The following KCNAB3 variants were observed in gnomAD, a reference collection of about 807,000 sequenced individuals.
KCNAB3 encodes potassium voltage-gated channel subfamily A regulatory beta subunit 3.
Under a neutral mutation model 67.7 loss-of-function variants are expected in KCNAB3, and 62 were observed. That is an observed-to-expected ratio of 0.92 (90% CI 0.75 to 1.13). The LOEUF (loss-of-function observed/expected upper bound fraction) is 1.13, where lower values mean the gene tolerates loss of function less well. Ranked by LOEUF, KCNAB3 falls within the 50% of genes most tolerant of loss-of-function variation. The pLI is 0.00. For missense variants in KCNAB3, 514 were observed against 522.9 expected (o/e 0.98, Z 0.17); for synonymous variants, 212 against 205.4 (o/e 1.03, Z -0.27).
chr17:7,922,734 T>G lies in KCNAB3; in HGVS notation c.*368A>C. 1 of 307,074 alleles carries G rather than the reference T, an allele frequency of 3.3e-6. No individual in the cohort carries two copies. The highest frequency in any genetic ancestry group is 6.3e-6 in the Non-Finnish European group (1 of 157,808). The allele number at this position is 307,074 out of a possible 1,614,324, so 19.0% of individuals were successfully genotyped here. On this transcript the variant is annotated 3_prime_UTR_variant, in exon 14 of 14. Coordinates refer to ENST00000303790, the MANE Select transcript of KCNAB3 (RefSeq NM_004732.4). ...AGGGCCCCTTTTGAGGTACACTGTA[T>G]GTTTCTTGTATGTGCTGGGTTTTTG...
intron 1 of KCNAB3, among the ~76,000 whole-genome samples, chr17:7,928,841 C>A (rs1972325948): frequency 6.6e-6 from 1 of 152,182 alleles, no homozygotes; most frequent in Admixed American, 6.5e-5. Context: ...TCCCTCCACT[C>A]CCCAGGACAC....
At chr17:7,924,638 C>G (rs1719540793) in intron 8 of KCNAB3, 138 bp from the exon 9 acceptor site, 2 of 1,405,070 alleles carry the variant, frequency 1.4e-6, no homozygotes, top group African/African-American at 1.4e-5. Context: ...CTCTTTGCCT[C>G]TCTTCCTGTC....
In KCNAB3 at chr17:7,923,527, C is replaced by T. The variant is rs1323436541; in HGVS notation, c.1066G>A (p.Glu356Lys). The stretch of plus-strand genomic sequence containing the variant: ...CCCAGCAAGACAGAGCTGACACCCT[C>T]ACTGCGGAGACACCACGCTGGGGCC... ...QLAIAWCLRS[E>K]GVSSVLLGVS... The change falls in exon 13 of 14, where the codon GAG becomes AAG. Residue 356 changes from glutamate to lysine, a missense_variant. Glu to Lys is a moderately conservative substitution (Grantham distance 56, BLOSUM62 1). Transcript: ENST00000303790. The T allele has an allele frequency of 1.9e-6, 3 of 1,611,244 alleles. No homozygotes were observed. Among genetic ancestry groups the T allele is most frequent in the Non-Finnish European group, 1.7e-6 (2 of 1,178,834 alleles).
At chr17:7,927,484 T>C in intron 3 of KCNAB3, 61 bp from the exon 4 acceptor site, 4 of 1,553,604 alleles carry the variant, frequency 2.6e-6, no homozygotes, top group Non-Finnish European at 3.6e-6. Context: ...CTCACTGTAC[T>C]CTAACCCATC....
chr17:7,924,371 G>A, intron 9 of KCNAB3, 44 bp downstream of exon 9: 1 of 1,609,510 alleles, frequency 6.2e-7, no homozygotes, highest in Non-Finnish European at 8.5e-7. Flanking sequence ...GTGAAAAGTG[G>A]GAACCAGTTG....
Position 7,927,664 on chromosome 17 carries a change from G to A in KCNAB3, c.317C>T (p.Ser106Leu), listed in dbSNP as rs771735038. ...AGGTCCGATAACTTATACCTCATCTGAGATCTGAGAACCAAATGTGACCCA... is the reference window on the plus strand; with the variant it reads ...AGGTCCGATAACTTATACCTCATCTAAGATCTGAGAACCAAATGTGACCCA... ...GTWVTFGSQI[S>L]DETAEDVLTV... Residue 106 changes from serine to leucine, a missense_variant, in exon 3 of 14, where the codon TCA becomes TTA. By Grantham distance (145) the Ser-to-Leu change is moderately radical (BLOSUM62 -2). Coordinates refer to ENST00000303790, the MANE Select transcript of KCNAB3 (RefSeq NM_004732.4). The A allele has an allele frequency of 6.2e-7, 1 of 1,613,942 alleles. No individual in the cohort carries two copies. Among genetic ancestry groups the A allele is most frequent in the African/African-American group, 1.3e-5 (1 of 74,856 alleles).
rs763271379 is a variant in KCNAB3 at position 7,923,439 on chromosome 17, C to CT, written c.1137+16dup. The CT allele has an allele frequency of 6.2e-7, 1 of 1,600,920 alleles. No individual in the cohort carries two copies. Among genetic ancestry groups the CT allele is most frequent in the African/African-American group, 1.3e-5 (1 of 74,394 alleles). On this transcript the variant is annotated intron_variant, in intron 13 of 13. Transcript: ENST00000303790. ...GGAGGGGGACAGATAGGCTCTGCCT[C>CT]TGAGTCCCCGGCTCACCTGTAGCGC...
At chr17:7,925,824 G>A in intron 6 of KCNAB3, 98 bp from the exon 7 acceptor site, 4 of 1,589,650 alleles carry the variant, frequency 2.5e-6, no homozygotes, top group Non-Finnish European at 3.5e-6. Flanking sequence ...AGTCTTCACA[G>A]GCATGGTGCG....
rs1972364302 is a variant in KCNAB3 at position 7,929,764 on chromosome 17, A to G, written c.-329T>C. On this transcript the variant is annotated 5_prime_UTR_variant, in exon 1 of 14. Transcript: ENST00000303790. This position sits in a 1 kb window ranked among gnomAD's most constrained non-coding sequence, Gnocchi z 5.7. Reference sequence around the variant, plus strand: ...TAAAGGTCTCGGAGGATAAGGACCCAGGGGGAAGCGGGGCGGGAGAGAGAT... The same window carrying G: ...TAAAGGTCTCGGAGGATAAGGACCCGGGGGGAAGCGGGGCGGGAGAGAGAT... The G allele has an allele frequency of 1.2e-5, 14 of 1,178,968 alleles. No individual in the cohort carries two copies. Among genetic ancestry groups the G allele is most frequent in the Non-Finnish European group, 1.5e-5 (14 of 947,348 alleles). 73.0% of individuals were successfully genotyped at this position (1,178,968 alleles called of 1,614,324 possible). A position where few individuals can be genotyped will look rare whatever the true frequency, so the allele number is the denominator to read the frequency against.
In KCNAB3 at chr17:7,929,424, A is replaced by T. The variant is rs758381236; in HGVS notation, c.12T>A (p.Ser4=). The stretch of plus-strand genomic sequence containing the variant: ...GAAGGTTCTGCTCGGTACACGCGAT[A>T]GACACCTGCATGCTGGCTGGCCGAG... The part of the protein sequence containing the change: MQV[S]IACTEQNLRS... The change falls in exon 1 of 14, where the codon TCT becomes TCA. Residue 4 remains serine (S), a synonymous_variant. Coordinates refer to ENST00000303790, the MANE Select transcript of KCNAB3 (RefSeq NM_004732.4). This position sits in a 1 kb window ranked among gnomAD's most constrained non-coding sequence, Gnocchi z 5.7. The T allele has an allele frequency of 4.5e-6, 7 of 1,547,286 alleles. No homozygotes were observed. In the South Asian group the frequency reaches 8.3e-5, roughly 18 times the overall value.
At position 7,927,597 on chromosome 17, in the gene KCNAB3, T is replaced by C; in HGVS notation, c.324+60A>G. ...TGTCCAAACCCCTATCCAGGTTCAC[T>C]TCCCTTTTTTCAAGTTCCCTCACCC... On this transcript the variant is annotated intron_variant, in intron 3 of 13. Transcript: ENST00000303790. 1.9e-6 allele frequency: 3 copies of C among 1,599,884 alleles called. No individual in the cohort carries two copies. In the South Asian group the frequency reaches 3.3e-5, roughly 18 times the overall value.
rs530294882 is a variant in KCNAB3 at position 7,924,643 on chromosome 17, C to G, written c.626-143G>C. 1.2e-5 allele frequency: 17 copies of G among 1,400,322 alleles called. No homozygotes were observed. The African/African-American group carries it at 2.3e-4, about 19-fold the overall frequency. The allele number at this position is 1,400,322 out of a possible 1,614,324, so 86.7% of individuals were successfully genotyped here. On this transcript the variant is annotated intron_variant, in intron 8 of 13. Coordinates refer to ENST00000303790, the MANE Select transcript of KCNAB3 (RefSeq NM_004732.4). ...TTAATATCTACTCTTTGCCTCTCTT[C>G]CTGTCCACATCCTGGAGTCTCAGCC...
chr17:7,926,581 T>G (rs1190633528), intron 4 of KCNAB3, among the ~76,000 whole-genome samples: 1 of 152,260 alleles, frequency 6.6e-6, no homozygotes, highest in Non-Finnish European at 1.5e-5. Flanking sequence ...ATTGGCTACA[T>G]AATTTAGCAT....
intron 4 of KCNAB3, 22 bp downstream of exon 4, chr17:7,927,322 G>C (rs980915539): frequency 1.2e-6 from 2 of 1,606,316 alleles, no homozygotes; most frequent in Non-Finnish European, 1.7e-6. Context: ...ATGGAGCTTA[G>C]CTCTTTCACC....
intron 13 of KCNAB3, 39 bp downstream of exon 13, chr17:7,923,417 G>A: frequency 1.9e-6 from 3 of 1,571,992 alleles, no homozygotes; most frequent in Non-Finnish European, 2.6e-6. Context: ...CTCCTGGGGA[G>A]GGGGACAGAT....
rs930314305 is a variant in KCNAB3 at position 7,929,446 on chromosome 17, C to T, written c.-11G>A. 8.3e-6 allele frequency: 12 copies of T among 1,446,858 alleles called. No homozygotes were observed. Among genetic ancestry groups the T allele is most frequent in the African/African-American group, 2.9e-5 (2 of 69,974 alleles). The allele number at this position is 1,446,858 out of a possible 1,614,324, so 89.6% of individuals were successfully genotyped here. A position where few individuals can be genotyped will look rare whatever the true frequency, so the allele number is the denominator to read the frequency against. On this transcript the variant is annotated 5_prime_UTR_variant, in exon 1 of 14. Coordinates refer to ENST00000303790, the MANE Select transcript of KCNAB3 (RefSeq NM_004732.4). The surrounding 1 kb of genome is among the most constrained non-coding windows in gnomAD (Gnocchi z 5.7). ...GATAGACACCTGCATGCTGGCTGGC[C>T]GAGGCGGGGGAGGGGGCTCCGAGGG...
chr17:7,929,848 G>T lies in KCNAB3; in HGVS notation c.-413C>A. Reference sequence around the variant, plus strand: ...GGGCTCCCAGCCGCGTCGGCAGCGGGCCCAGCTCATCAGCATGCAGGCACC... The same window carrying T: ...GGGCTCCCAGCCGCGTCGGCAGCGGTCCCAGCTCATCAGCATGCAGGCACC... On this transcript the variant is annotated 5_prime_UTR_variant, in exon 1 of 14. Coordinates refer to ENST00000303790, the MANE Select transcript of KCNAB3 (RefSeq NM_004732.4). This position sits in a 1 kb window ranked among gnomAD's most constrained non-coding sequence, Gnocchi z 5.7. The T allele has an allele frequency of 1.9e-6, 2 of 1,077,484 alleles. No individual in the cohort carries two copies. Among genetic ancestry groups the T allele is most frequent in the Non-Finnish European group, 2.3e-6 (2 of 886,852 alleles). 66.7% of individuals were successfully genotyped at this position (1,077,484 alleles called of 1,614,324 possible).
rs1221121481 is a variant in KCNAB3 at position 7,924,511 on chromosome 17, A to G, written c.626-11T>C. On this transcript the variant is annotated splice_polypyrimidine_tract_variant and intron_variant, in intron 8 of 13. Coordinates refer to ENST00000303790, the MANE Select transcript of KCNAB3 (RefSeq NM_004732.4). ...TGGCTCGCACAATCTCTAGGTACAC[A>G]GGAGAGGGAAAGCCTTACTGTCAGA... 2 of 1,609,440 alleles carry G rather than the reference A, an allele frequency of 1.2e-6. No homozygotes were observed. The highest frequency in any genetic ancestry group is 1.7e-6 in the Non-Finnish European group (2 of 1,177,166).
intron 3 of KCNAB3, 94 bp from the exon 4 acceptor site, chr17:7,927,517 A>G (rs1448093028): frequency 6.6e-7 from 1 of 1,507,308 alleles, no homozygotes; most frequent in Non-Finnish European, 9.2e-7. Flanking sequence ...TGGGTTCTCT[A>G]GTCTCTCCCC....
Sources: allele counts gnomAD v4.1 joint callset (sites outside exome capture counted in the v4.1 genomes callset), GRCh38; gene constraint gnomAD v4.1.1; non-coding constraint Gnocchi (gnomAD v3.1); transcripts MANE v1.5; gene names NCBI Gene and HGNC (gene_info 2026-07-23, HGNC 2026-07-21).